Variants in TLK2 observed in about 807,000 individuals in gnomAD.
The protein encoded by TLK2 is tousled like kinase 2.
TLK2 carries 6 observed loss-of-function variants against 117.3 expected under a neutral mutation model. The ratio of observed to expected loss-of-function variants is 0.05; its 90% CI spans 0.03 to 0.10. The LOEUF is 0.10. Among genes scored for constraint, TLK2 ranks in the 10% least tolerant of loss-of-function variants. The probability of loss-of-function intolerance (pLI) is 1.00; values close to 1 mark genes in which losing one functional copy is unlikely to be tolerated. For synonymous variants in TLK2, 257 were observed against 316.7 expected, an observed-to-expected ratio of 0.81 and a Z score of 2.00; for missense variants, 299 against 901.2, an observed-to-expected ratio of 0.33 and a Z score of 8.56.
At chr17:62,471,849 C>T (rs377307930) in intron 1 of TLK2, among the ~76,000 whole-genome samples, 17 of 133,638 alleles carry the variant, frequency 1.3e-4, no homozygotes, top group Non-Finnish European at 2.6e-4. Context: ...TGTCTATTAA[C>T]GTGGAAAGAG....
Position 62,600,840 on chromosome 17 carries a change from G to T in TLK2, c.1720+20G>T. On this transcript the variant is annotated intron_variant, in intron 18 of 21. Transcript: ENST00000346027. Reference sequence around the variant, plus strand: ...AACCAGGTATGTCTAACTTTTAGGAGACAGTATTAGTGGGTTTTCTTTGGT... The same window carrying T: ...AACCAGGTATGTCTAACTTTTAGGATACAGTATTAGTGGGTTTTCTTTGGT... The T allele has an allele frequency of 2.5e-6, 4 of 1,582,926 alleles. No homozygotes were observed. The highest frequency in any genetic ancestry group is 2.6e-6 in the Non-Finnish European group (3 of 1,167,982).
chr17:62,549,418 A>AAAAAAAAAAAAAAAAAG (rs1598512088), intron 7 of TLK2, among the ~76,000 whole-genome samples: 94 of 8,550 alleles, frequency 0.011, 20 homozygotes, highest in Non-Finnish European at 0.05. Flanking sequence ...AAAAAAAAAA[A>AAAAAAAAAAAAAAAAAG]AAAAAAAAAA....
intron 21 of TLK2, among the ~76,000 whole-genome samples, chr17:62,608,907 A>G (rs1341442016): frequency 2.0e-5 from 3 of 152,192 alleles, no homozygotes; most frequent in Non-Finnish European, 4.4e-5. Context: ...GCTATAAATA[A>G]TCACTCATCC....
At chr17:62,556,004 A>G (rs2078840820) in intron 9 of TLK2, among the ~76,000 whole-genome samples, 1 of 151,838 alleles carries the variant, frequency 6.6e-6, no homozygotes, top group Non-Finnish European at 1.5e-5. Context: ...TCACTTTGTC[A>G]CCCAGGTTCA....
intron 6 of TLK2, among the ~76,000 whole-genome samples, chr17:62,532,324 G>A (rs1428464063): frequency 1.3e-5 from 2 of 152,060 alleles, no homozygotes; most frequent in African/African-American, 4.8e-5. Flanking sequence ...ATCCTTGGCA[G>A]GTATTTATTG....
At chr17:62,603,235 C>G (rs1465919712) in intron 19 of TLK2, among the ~76,000 whole-genome samples, 7 of 152,196 alleles carry the variant, frequency 4.6e-5, no homozygotes, top group Non-Finnish European at 1.0e-4. Context: ...CTGTGCTCAT[C>G]GTGAAGCCTG....
intron 16 of TLK2, among the ~76,000 whole-genome samples, chr17:62,589,979 T>C (rs1323790478): frequency 6.6e-6 from 1 of 151,544 alleles, no homozygotes; most frequent in East Asian, 2.0e-4. Context: ...GCTAACTTTT[T>C]TGTATTTTTA....
intron 2 of TLK2, among the ~76,000 whole-genome samples, chr17:62,500,675 A>C: frequency 6.6e-6 from 1 of 152,358 alleles, no homozygotes; most frequent in South Asian, 2.1e-4. Flanking sequence ...TTTCAAGTGC[A>C]CATGGAACAT....
intron 2 of TLK2, among the ~76,000 whole-genome samples, chr17:62,500,139 A>G (rs1026812242): frequency 7.2e-5 from 11 of 151,882 alleles, no homozygotes; most frequent in Non-Finnish European, 1.3e-4. Flanking sequence ...GTATGATCAT[A>G]GTTCACTGCA....
At chr17:62,541,589 T>G (rs1461508143) in intron 7 of TLK2, among the ~76,000 whole-genome samples, 1 of 152,250 alleles carries the variant, frequency 6.6e-6, no homozygotes, top group Non-Finnish European at 1.5e-5. Flanking sequence ...CATAATTCTA[T>G]GTTTTAACAT....
intron 6 of TLK2, among the ~76,000 whole-genome samples, chr17:62,528,583 ATTT>A (rs2145689561): frequency 6.6e-6 from 1 of 151,922 alleles, no homozygotes; most frequent in South Asian, 2.1e-4. Context: ...CGCCTGGCTA[ATTT>A]TTGTGTTTTT....
At chr17:62,528,575 C>A (rs1439012574) in intron 6 of TLK2, among the ~76,000 whole-genome samples, 1 of 152,148 alleles carries the variant, frequency 6.6e-6, no homozygotes, top group South Asian at 2.1e-4. Context: ...CACCACCACG[C>A]CTGGCTAATT....
At chr17:62,560,808 C>T (rs902344560) in intron 10 of TLK2, among the ~76,000 whole-genome samples, 8 of 152,176 alleles carry the variant, frequency 5.3e-5, no homozygotes, top group Non-Finnish European at 1.0e-4. Flanking sequence ...CGTGCGCCAC[C>T]ATGCCCGGCC....
In TLK2 at chr17:62,578,501, C is replaced by A. The variant is rs1338218520; in HGVS notation, c.1213C>A (p.Leu405Met). The part of the protein sequence containing the change: ...KKEEAEIQAE[L>M]ERLERVRNLH... ...GGAGGAAGCAGAGATCCAGGCAGAG[C>A]TGGAGAGACTAGAAAGGGTTAGAAA... The change falls in exon 14 of 22, where the codon CTG (leucine) becomes ATG (methionine). Residue 405 changes from leucine to methionine, a missense_variant. Physicochemically the swap from Leu to Met is conservative, Grantham distance 15. Transcript: ENST00000346027. The A allele has an allele frequency of 6.2e-7, 1 of 1,613,876 alleles. No individual in the cohort carries two copies. Among genetic ancestry groups the A allele is most frequent in the Admixed American group, 1.7e-5 (1 of 60,006 alleles).
chr17:62,498,528 T>C (rs557478182), intron 2 of TLK2, among the ~76,000 whole-genome samples: 1 of 151,976 alleles, frequency 6.6e-6, no homozygotes, highest in Non-Finnish European at 1.5e-5. Flanking sequence ...TAGCTGGGAT[T>C]ACAGGTGTGC....
intron 11 of TLK2, among the ~76,000 whole-genome samples, chr17:62,566,301 A>G (rs1004468438): frequency 1.2e-4 from 19 of 152,114 alleles, no homozygotes; most frequent in African/African-American, 4.3e-4. Flanking sequence ...GCATGTGACT[A>G]CTTTTGAGTA....
intron 2 of TLK2, among the ~76,000 whole-genome samples, chr17:62,492,749 G>T (rs1348442975): frequency 1.3e-5 from 2 of 152,056 alleles, no homozygotes; most frequent in Non-Finnish European, 2.9e-5. Context: ...ATGAGCCACT[G>T]CGCCTGGCCC....
chr17:62,611,077 A>G (rs897315416), intron 21 of TLK2, among the ~76,000 whole-genome samples: 1 of 152,156 alleles, frequency 6.6e-6, no homozygotes, highest in African/African-American at 2.4e-5. Context: ...GTTTGAGAGT[A>G]CAATGAGCTA....
intron 21 of TLK2, among the ~76,000 whole-genome samples, chr17:62,608,542 C>T (rs1041839117): frequency 4.6e-5 from 7 of 152,126 alleles, no homozygotes; most frequent in African/African-American, 1.7e-4. Context: ...TATAAGAGTA[C>T]TAAGGCATTT....
Sources: allele counts gnomAD v4.1 joint callset (sites outside exome capture counted in the v4.1 genomes callset), GRCh38; gene constraint gnomAD v4.1.1; transcripts MANE v1.5; gene names NCBI Gene and HGNC (gene_info 2026-07-23, HGNC 2026-07-21).